OPHN1: variants seen among roughly 807,000 people sequenced by gnomAD.
OPHN1 encodes the protein oligophrenin-1.
Under a neutral mutation model 60.7 loss-of-function variants are expected in OPHN1, and 11 were observed. The ratio of observed to expected loss-of-function variants is 0.18; its 90% CI spans 0.11 to 0.30. The LOEUF (loss-of-function observed/expected upper bound fraction) is 0.30. Ranked by LOEUF, OPHN1 falls within the 10% of genes least tolerant of loss-of-function variation. The pLI is 1.00. For synonymous variants in OPHN1, 226 were observed against 222.6 expected (o/e 1.02, Z -0.14); for missense variants, 449 against 611.0 (o/e 0.73, Z 2.80).
At chrX:68,394,090 T>A (rs1315426440) in intron 2 of OPHN1, among the ~76,000 whole-genome samples, 1 of 106,605 alleles carries the variant, frequency 9.4e-6, no homozygotes, top group African/African-American at 3.3e-5. Flanking sequence ...AGAGACGGGG[T>A]TTCACCGTGT....
At chrX:68,291,207 G>C (rs758332968) in intron 3 of OPHN1, among the ~76,000 whole-genome samples, 1 of 111,554 alleles carries the variant, frequency 9.0e-6, no homozygotes, top group Non-Finnish European at 1.9e-5. Flanking sequence ...ACAGGATAGA[G>C]AAGAGAGCTC....
At chrX:68,063,807 A>G in intron 21 of OPHN1, 47 bp downstream of exon 21, 1 of 1,041,710 alleles carries the variant, frequency 9.6e-7, no homozygotes, top group Non-Finnish European at 1.3e-6. Flanking sequence ...CAAGGTGAAA[A>G]GTAGTTAGGG....
At chrX:68,262,873 A>ACAGG in intron 5 of OPHN1, among the ~76,000 whole-genome samples, 1 of 111,512 alleles carries the variant, frequency 9.0e-6, no homozygotes, top group East Asian at 2.8e-4. Context: ...ACAGGACAGG[A>ACAGG]AAGGAAAGGA....
chrX:68,315,354 C>T (rs1021749101), intron 2 of OPHN1, among the ~76,000 whole-genome samples: 14 of 111,322 alleles, frequency 1.3e-4, no homozygotes, highest in South Asian at 3.8e-4. Flanking sequence ...ATACTCATCT[C>T]GATTTATGCG....
chrX:68,368,561 G>C (rs1193064088), intron 2 of OPHN1, among the ~76,000 whole-genome samples: 4 of 109,758 alleles, frequency 3.6e-5, no homozygotes, highest in Non-Finnish European at 5.7e-5. Flanking sequence ...ACGCAACCAT[G>C]TATATGGGGA....
At chrX:68,163,965 A>T (rs1480144947) in intron 15 of OPHN1, among the ~76,000 whole-genome samples, 2 of 111,879 alleles carry the variant, frequency 1.8e-5, no homozygotes, top group African/African-American at 6.5e-5. Flanking sequence ...CATAATGGTG[A>T]TTATACCAAC....
intron 15 of OPHN1, among the ~76,000 whole-genome samples, chrX:68,141,903 T>TGAAAGAAA (rs1569224287): frequency 7.4e-4 from 56 of 75,353 alleles, no homozygotes; most frequent in African/African-American, 2.7e-3. Context: ...GTGATGTTAA[T>TGAAAGAAA]TAAAGAAAGA....
At chrX:68,140,431 C>G (rs1211419106) in intron 15 of OPHN1, among the ~76,000 whole-genome samples, 1 of 111,897 alleles carries the variant, frequency 8.9e-6, no homozygotes, top group Non-Finnish European at 1.9e-5. Flanking sequence ...CAATTCTTAG[C>G]ACACAGTACA....
intron 5 of OPHN1, among the ~76,000 whole-genome samples, chrX:68,268,626 A>C (rs751399941): frequency 0.011 from 1,201 of 111,458 alleles, 14 homozygotes; most frequent in African/African-American, 0.037. Context: ...AAACCCACAG[A>C]CAATATCATA....
At chrX:68,132,032 C>T (rs2077196897) in intron 15 of OPHN1, among the ~76,000 whole-genome samples, 1 of 112,360 alleles carries the variant, frequency 8.9e-6, no homozygotes, top group Non-Finnish European at 1.9e-5. Flanking sequence ...GAAAACACTA[C>T]ATATCAAAAT....
chrX:68,231,022 TTAAA>T (rs1284208835), intron 6 of OPHN1, among the ~76,000 whole-genome samples: 3 of 111,044 alleles, frequency 2.7e-5, no homozygotes, highest in Non-Finnish European at 5.7e-5. Context: ...TTTAGCCACA[TTAAA>T]TAAGTAAGAG....
At position 68,184,109 on chromosome X, in the gene OPHN1, T is replaced by C. The variant is rs4827571; in HGVS notation, c.1276+8810A>G. Among the ~76,000 whole-genome samples the C allele has an allele frequency of 2.8e-3, 309 of 111,881 alleles. 5 individuals are homozygous for C. The highest frequency in any genetic ancestry group is 0.027 in the Admixed American group (279 of 10,505). On this transcript the variant is annotated intron_variant, in intron 15 of 24. Transcript: ENST00000355520. ...TACCTAATGCTAAATGACAAGTTAA[T>C]GGGTGCAGCACACCAACATGGCACA...
At chrX:68,152,725 T>C (rs778865131) in intron 15 of OPHN1, among the ~76,000 whole-genome samples, 86 of 109,948 alleles carry the variant, frequency 7.8e-4, no homozygotes, top group African/African-American at 2.8e-3. Context: ...TTACAGGTGT[T>C]AGCCACCCCA....
chrX:68,401,490 A>T (rs1015222506), intron 2 of OPHN1, among the ~76,000 whole-genome samples: 2 of 112,326 alleles, frequency 1.8e-5, no homozygotes, highest in African/African-American at 6.5e-5. Flanking sequence ...CCGTAACACA[A>T]TTGTACAGTA....
chrX:68,067,301 T>A (rs757086477), intron 20 of OPHN1, among the ~76,000 whole-genome samples: 1 of 111,158 alleles, frequency 9.0e-6, no homozygotes, highest in East Asian at 2.8e-4. Context: ...ATGCTTTGCC[T>A]AAGAAAATAT....
At chrX:68,364,276 T>C (rs763214883) in intron 2 of OPHN1, among the ~76,000 whole-genome samples, 1 of 112,238 alleles carries the variant, frequency 8.9e-6, no homozygotes, top group East Asian at 2.8e-4. Context: ...TAGACTGTAG[T>C]ATCCCTGTGA....
intron 2 of OPHN1, among the ~76,000 whole-genome samples, chrX:68,351,392 G>T (rs1470415444): frequency 9.0e-6 from 1 of 111,555 alleles, no homozygotes; most frequent in Non-Finnish European, 1.9e-5. Flanking sequence ...ACAAAATTTC[G>T]ATTTATCTGT....
chrX:68,053,830 C>A lies in OPHN1; in HGVS notation c.2159-20G>T. 1 of 1,205,059 alleles carries A rather than the reference C, an allele frequency of 8.3e-7. No individual in the cohort carries two copies. The highest frequency in any genetic ancestry group is 1.8e-5 in the South Asian group (1 of 55,526). ...CATCCCCTGGAAGAGAAAATGATAC[C>A]AGGAACTTGGATGGTTAGCCAAACA... On this transcript the variant is annotated intron_variant, in intron 21 of 24. Coordinates refer to ENST00000355520, the MANE Select transcript of OPHN1 (RefSeq NM_002547.3).
At chrX:68,067,342 G>A (rs1032054285) in intron 20 of OPHN1, among the ~76,000 whole-genome samples, 1 of 110,752 alleles carries the variant, frequency 9.0e-6, no homozygotes, top group African/African-American at 3.3e-5. Flanking sequence ...TTGAGCATAG[G>A]GACCAATTAC....
Sources: gnomAD v4.1 joint callset for allele counts (sites outside exome capture counted in the v4.1 genomes callset) on GRCh38, gnomAD v4.1.1 for gene constraint, MANE v1.5 for transcripts, NCBI Gene and HGNC (gene_info 2026-07-23, HGNC 2026-07-21) for gene names.